The following CPQ variants were observed in gnomAD, a reference collection of about 807,000 sequenced individuals.
CPQ encodes Ser-Met dipeptidase.
In CPQ, 37 loss-of-function variants were observed where a neutral mutation model predicts 45.7. The observed-to-expected ratio is 0.81, with a 90% confidence interval of 0.62 to 1.07. The LOEUF is 1.07. Ranked by LOEUF, CPQ falls within the 50% of genes least tolerant of loss-of-function variation. The pLI, the probability that CPQ is intolerant of heterozygous loss-of-function variation, is 0.00. For synonymous variants in CPQ, 186 were observed against 205.8 expected, an observed-to-expected ratio of 0.90 and a Z score of 0.82; for missense variants, 537 against 572.9, an observed-to-expected ratio of 0.94 and a Z score of 0.64.
intron 2 of CPQ, among the ~76,000 whole-genome samples, chr8:96,823,404 G>C (rs1228500656): frequency 2.6e-5 from 4 of 151,904 alleles, no homozygotes; most frequent in African/African-American, 9.7e-5. Flanking sequence ...CAACTGGCTT[G>C]TTTTCCTATT....
In CPQ at chr8:96,876,840, AG is replaced by A. The variant is rs1262607688; in HGVS notation, c.642-2956del. Among the ~76,000 whole-genome samples the A allele has an allele frequency of 5.9e-5, 9 of 152,140 alleles. No individual in the cohort carries two copies. In the East Asian group the frequency reaches 1.7e-3, roughly 29 times the overall value. The stretch of plus-strand genomic sequence containing the variant: ...GGTTCTCTTTGCTGGTATTTTGTTA[AG>A]GATGTTTTGCATTTATATTTATAAG... On this transcript the variant is annotated intron_variant, in intron 3 of 7. Transcript: ENST00000220763.
intron 7 of CPQ, among the ~76,000 whole-genome samples, chr8:97,125,109 T>C (rs144942598): frequency 6.6e-6 from 1 of 152,260 alleles, no homozygotes; most frequent in Non-Finnish European, 1.5e-5. Flanking sequence ...TAAAGGACTC[T>C]AATGAACAAA....
intron 5 of CPQ, among the ~76,000 whole-genome samples, chr8:97,016,543 G>C (rs1489866731): frequency 2.0e-5 from 3 of 152,146 alleles, no homozygotes; most frequent in African/African-American, 7.2e-5. Context: ...TATGAAAAAG[G>C]GAAATGAGTA....
At chr8:97,054,564 A>G (rs1487172095) in intron 6 of CPQ, among the ~76,000 whole-genome samples, 1 of 152,236 alleles carries the variant, frequency 6.6e-6, no homozygotes, top group African/African-American at 2.4e-5. Flanking sequence ...AATGTGTTAC[A>G]TACATACCAC....
chr8:96,649,467 GA>G lies in CPQ; in HGVS notation c.-35+4066del, dbSNP rs566422746. 5.9e-5 allele frequency among the ~76,000 whole-genome samples: 9 copies of G among 152,328 alleles called. No homozygotes were observed. The South Asian group carries it at 1.9e-3, about 32-fold the overall frequency. ...AGGATCTAAACTAAGATAGGTTTGA[GA>G]GACTATTTGAAGACAGAGCAGGATT... is the stretch of plus-strand genomic sequence containing the variant. On this transcript the variant is annotated intron_variant, in intron 1 of 7. Transcript: ENST00000220763.
chr8:96,860,097 C>G (rs1202414800), intron 3 of CPQ, among the ~76,000 whole-genome samples: 1 of 152,070 alleles, frequency 6.6e-6, no homozygotes, highest in Non-Finnish European at 1.5e-5. Context: ...TCTATGAACT[C>G]TTTTAGAGAC....
intron 7 of CPQ, among the ~76,000 whole-genome samples, chr8:97,083,875 A>G (rs73268741): frequency 0.032 from 4,916 of 152,270 alleles, 260 homozygotes; most frequent in African/African-American, 0.11. Flanking sequence ...TACATAGGGT[A>G]TGCATTTTCT....
intron 1 of CPQ, among the ~76,000 whole-genome samples, chr8:96,685,909 A>G (rs1809221312): frequency 6.6e-6 from 1 of 152,134 alleles, no homozygotes; most frequent in African/African-American, 2.4e-5. Context: ...CAGTAACATT[A>G]AAAGTTTTAT....
chr8:96,848,830 G>T (rs1811733455), intron 3 of CPQ, among the ~76,000 whole-genome samples: 1 of 152,074 alleles, frequency 6.6e-6, no homozygotes, highest in Admixed American at 6.5e-5. Context: ...GTTTTTAGTG[G>T]CATTTTATGA....
intron 1 of CPQ, chr8:96,732,398 G>C (rs1809923471): frequency 6.6e-6 from 1 of 152,172 alleles, no homozygotes; most frequent in African/African-American, 2.4e-5. Context: ...CGAAGCGGTA[G>C]GTGCTTAGGC....
intron 1 of CPQ, among the ~76,000 whole-genome samples, chr8:96,695,994 A>G (rs1324424486): frequency 6.7e-6 from 1 of 150,240 alleles, no homozygotes; most frequent in Non-Finnish European, 1.5e-5. Context: ...ATGCACACGT[A>G]TGTTTATTGT....
chr8:96,818,746 A>C (rs992461674), intron 2 of CPQ, among the ~76,000 whole-genome samples: 3 of 152,090 alleles, frequency 2.0e-5, no homozygotes, highest in African/African-American at 7.2e-5. Flanking sequence ...TGTAGTGTCA[A>C]TATGTATTAC....
chr8:96,897,327 T>C (rs1318717917), intron 4 of CPQ, among the ~76,000 whole-genome samples: 1 of 152,214 alleles, frequency 6.6e-6, no homozygotes, highest in East Asian at 1.9e-4. Context: ...TGCTCTTTTT[T>C]ATCTAGTCAT....
At chr8:96,956,163 C>A (rs1313869532) in intron 4 of CPQ, among the ~76,000 whole-genome samples, 1 of 152,124 alleles carries the variant, frequency 6.6e-6, no homozygotes, top group Non-Finnish European at 1.5e-5. Context: ...ACAATGAATT[C>A]TGTTATGTTT....
intron 1 of CPQ, among the ~76,000 whole-genome samples, chr8:96,666,034 G>A (rs1162211404): frequency 6.6e-6 from 1 of 152,146 alleles, no homozygotes; most frequent in African/African-American, 2.4e-5. Context: ...GGAAGCAGAA[G>A]GAGTGAGGGA....
intron 4 of CPQ, among the ~76,000 whole-genome samples, chr8:96,909,680 C>T (rs1319711191): frequency 6.6e-6 from 1 of 151,928 alleles, no homozygotes; most frequent in Non-Finnish European, 1.5e-5. Context: ...TATAATAGCC[C>T]AATGACATGA....
rs145929533 is a variant in CPQ at position 96,856,772 on chromosome 8, G to T, written c.641+21592G>T. Among the ~76,000 whole-genome samples the T allele has an allele frequency of 2.1e-3, 321 of 152,306 alleles. 3 individuals carry two copies. Among genetic ancestry groups the T allele is most frequent in the African/African-American group, 6.9e-3 (287 of 41,550 alleles). ...TGTTTCAGGTTTTCATAAATGCTGT[G>T]TTGACAAAAGGATGAAGAGAGTGGT... On this transcript the variant is annotated intron_variant, in intron 3 of 7. Coordinates refer to ENST00000220763, the MANE Select transcript of CPQ (RefSeq NM_016134.4).
chr8:97,062,531 T>G (rs539678552), intron 6 of CPQ, among the ~76,000 whole-genome samples: 1 of 152,278 alleles, frequency 6.6e-6, no homozygotes, highest in South Asian at 2.1e-4. Flanking sequence ...ATAGGGAAAC[T>G]TGCCTCCTGA....
At chr8:97,113,214 C>G (rs1200397131) in intron 7 of CPQ, among the ~76,000 whole-genome samples, 1 of 151,998 alleles carries the variant, frequency 6.6e-6, no homozygotes, top group African/African-American at 2.4e-5. Flanking sequence ...GTCCAGTGTC[C>G]CAGAAAGACC....
Sources: allele counts gnomAD v4.1 joint callset (sites outside exome capture counted in the v4.1 genomes callset), GRCh38; gene constraint gnomAD v4.1.1; transcripts MANE v1.5; gene names NCBI Gene and HGNC (gene_info 2026-07-23, HGNC 2026-07-21).